TACR3: variants seen among roughly 807,000 people sequenced by gnomAD.
TACR3 encodes neuromedin-K receptor.
In TACR3, 34 loss-of-function variants were observed where a neutral mutation model predicts 35.0. The ratio of observed to expected loss-of-function variants is 0.97; its 90% CI spans 0.74 to 1.30. The LOEUF is 1.30. Ranked by LOEUF, TACR3 falls within the 50% of genes most tolerant of loss-of-function variation. The pLI is 0.00. For synonymous variants in TACR3, 233 were observed against 221.1 expected, an observed-to-expected ratio of 1.05 and a Z score of -0.48; for missense variants, 558 against 591.7, an observed-to-expected ratio of 0.94 and a Z score of 0.59.
chr4:103,626,068 G>GT (rs1724885337), intron 3 of TACR3, among the ~76,000 whole-genome samples: 1 of 152,128 alleles, frequency 6.6e-6, no homozygotes, highest in Admixed American at 6.6e-5. Flanking sequence ...AAAAATAAAT[G>GT]TCTATAGTTT....
intron 1 of TACR3, among the ~76,000 whole-genome samples, chr4:103,705,582 A>G (rs185370760): frequency 1.3e-5 from 2 of 152,276 alleles, no homozygotes; most frequent in African/African-American, 4.8e-5. Flanking sequence ...AAATATGAAA[A>G]TGTTATGATT....
intron 1 of TACR3, among the ~76,000 whole-genome samples, chr4:103,702,825 C>G (rs59889724): frequency 2.1e-5 from 3 of 145,542 alleles, no homozygotes; most frequent in Admixed American, 7.3e-5. Flanking sequence ...ATCACATGTT[C>G]TCACTCATAG....
At chr4:103,658,634 T>C (rs1049195742) in intron 1 of TACR3, among the ~76,000 whole-genome samples, 9 of 152,142 alleles carry the variant, frequency 5.9e-5, no homozygotes, top group African/African-American at 1.7e-4. Flanking sequence ...TTAAACTTTT[T>C]GAACCTCAGC....
chr4:103,625,753 T>C (rs567137389), intron 3 of TACR3, among the ~76,000 whole-genome samples: 1 of 152,316 alleles, frequency 6.6e-6, no homozygotes, highest in South Asian at 2.1e-4. Context: ...CTCTGTGTTA[T>C]CTGCTGAACT....
intron 3 of TACR3, among the ~76,000 whole-genome samples, chr4:103,597,417 C>G (rs28881866): frequency 6.6e-6 from 1 of 152,008 alleles, no homozygotes; most frequent in Non-Finnish European, 1.5e-5. Context: ...AAACAAAACA[C>G]AACAAAACTG....
intron 3 of TACR3, among the ~76,000 whole-genome samples, chr4:103,619,338 T>TGCCA (rs1038153740): frequency 2.0e-5 from 3 of 152,060 alleles, no homozygotes; most frequent in Admixed American, 2.0e-4. Context: ...TGCAGACACC[T>TGCCA]GCCACCACGC....
At chr4:103,649,916 TG>T (rs1725551167) in intron 3 of TACR3, among the ~76,000 whole-genome samples, 2 of 152,124 alleles carry the variant, frequency 1.3e-5, no homozygotes, top group Admixed American at 1.3e-4. Flanking sequence ...TGTCTGTGTC[TG>T]GGCATTGAAG....
intron 3 of TACR3, among the ~76,000 whole-genome samples, chr4:103,622,800 G>A (rs892602813): frequency 6.6e-6 from 1 of 152,086 alleles, no homozygotes; most frequent in African/African-American, 2.4e-5. Context: ...TACCAGAGAA[G>A]AACTGCATTG....
intron 1 of TACR3, among the ~76,000 whole-genome samples, chr4:103,682,088 T>C (rs1455429424): frequency 6.6e-6 from 1 of 152,144 alleles, no homozygotes; most frequent in African/African-American, 2.4e-5. Context: ...TTATTATTAT[T>C]CACCCACTCT....
At chr4:103,692,678 T>A (rs910292713) in intron 1 of TACR3, among the ~76,000 whole-genome samples, 1 of 152,142 alleles carries the variant, frequency 6.6e-6, no homozygotes, top group African/African-American at 2.4e-5. Context: ...TCCTTAAACA[T>A]TAACAAATCC....
chr4:103,645,734 C>T (rs1725444283), intron 3 of TACR3, among the ~76,000 whole-genome samples: 1 of 151,900 alleles, frequency 6.6e-6, no homozygotes, highest in Non-Finnish European at 1.5e-5. Context: ...GGCAAATATC[C>T]ATATGAACTA....
At chr4:103,666,666 A>G (rs992825984) in intron 1 of TACR3, among the ~76,000 whole-genome samples, 8 of 152,210 alleles carry the variant, frequency 5.3e-5, no homozygotes, top group Non-Finnish European at 1.0e-4. Context: ...AGAATATTAC[A>G]TGAAACAATG....
intron 1 of TACR3, 109 bp downstream of exon 1, chr4:103,719,019 T>G (rs1338401220): frequency 4.1e-6 from 6 of 1,473,992 alleles, no homozygotes; most frequent in Admixed American, 1.9e-5. Context: ...CTTAGTCTCT[T>G]TACTTTTATA....
At chr4:103,714,878 G>A (rs1332350314) in intron 1 of TACR3, among the ~76,000 whole-genome samples, 1 of 151,814 alleles carries the variant, frequency 6.6e-6, no homozygotes, top group Admixed American at 6.6e-5. Flanking sequence ...ATTTTTATTC[G>A]TTCAGAATAA....
chr4:103,647,283 T>C (rs1324977135), intron 3 of TACR3, among the ~76,000 whole-genome samples: 1 of 151,914 alleles, frequency 6.6e-6, no homozygotes, highest in South Asian at 2.1e-4. Flanking sequence ...ATACATTGCA[T>C]TTTAGCCAAT....
At chr4:103,656,367 A>G in intron 2 of TACR3, 23 bp from the exon 3 acceptor site, 3 of 1,608,280 alleles carry the variant, frequency 1.9e-6, no homozygotes, top group East Asian at 4.5e-5. Flanking sequence ...AGAAAAACAC[A>G]TGCTGAAGAC....
intron 3 of TACR3, among the ~76,000 whole-genome samples, chr4:103,639,103 G>A (rs1725282010): frequency 6.6e-6 from 1 of 152,150 alleles, no homozygotes; most frequent in East Asian, 1.9e-4. Flanking sequence ...TATACCCAAA[G>A]GATTATAAAT....
intron 1 of TACR3, among the ~76,000 whole-genome samples, chr4:103,667,364 A>C (rs1725957202): frequency 6.6e-6 from 1 of 152,202 alleles, no homozygotes; most frequent in Admixed American, 6.5e-5. Context: ...ACAGTTAATA[A>C]ATACAAAAAT....
intron 3 of TACR3, among the ~76,000 whole-genome samples, chr4:103,638,651 A>G (rs138687541): frequency 0.078 from 11,881 of 152,086 alleles, 1,504 homozygotes; most frequent in African/African-American, 0.27. Flanking sequence ...GAGTGAACAG[A>G]CAACCTACAG....
Sources: gnomAD v4.1 joint callset for allele counts (sites outside exome capture counted in the v4.1 genomes callset) on GRCh38, gnomAD v4.1.1 for gene constraint, MANE v1.5 for transcripts, NCBI Gene and HGNC (gene_info 2026-07-23, HGNC 2026-07-21) for gene names.